The following CPA6 variants were observed in gnomAD, a reference collection of about 807,000 sequenced individuals.
CPA6 encodes carboxypeptidase B.
A neutral mutation model predicts 63.3 loss-of-function variants in CPA6; 58 were observed. That is an observed-to-expected ratio of 0.92 (90% CI 0.74 to 1.14). The LOEUF (loss-of-function observed/expected upper bound fraction) is 1.14. CPA6 is among the 50% of genes most tolerant of loss of function. The pLI is 0.00. For synonymous variants in CPA6, 185 were observed against 179.0 expected (o/e 1.03, Z -0.27); for missense variants, 565 against 526.6 (o/e 1.07, Z -0.71).
At chr8:67,720,746 A>G (rs529131842) in intron 1 of CPA6, among the ~76,000 whole-genome samples, 1 of 152,320 alleles carries the variant, frequency 6.6e-6, no homozygotes, top group East Asian at 1.9e-4. Flanking sequence ...GAACCTTGAA[A>G]CATGGCTCAC....
chr8:67,727,983 CAGA>C (rs1257699658), intron 1 of CPA6, among the ~76,000 whole-genome samples: 7 of 150,160 alleles, frequency 4.7e-5, no homozygotes, highest in African/African-American at 1.7e-4. Flanking sequence ...GAGGCTGAGG[CAGA>C]AGAATGGTGT....
Position 67,506,815 on chromosome 8 carries a change from G to A in CPA6, c.608C>T (p.Pro203Leu), listed in dbSNP as rs758766277. 7 of 1,612,832 alleles carry A rather than the reference G, an allele frequency of 4.3e-6. No individual in the cohort carries two copies. Among genetic ancestry groups the A allele is most frequent in the Non-Finnish European group, 5.9e-6 (7 of 1,179,076 alleles). ...CGIHAREWIG[P>L]AFCQWFVKEA... ...TTTTACAAACCACTGACAAAAGGCAGGACCAATCCATTCTCTTGCATGAAT... is the reference window on the plus strand; with the variant it reads ...TTTTACAAACCACTGACAAAAGGCAAGACCAATCCATTCTCTTGCATGAAT... Residue 203 changes from proline (P) to leucine (L), a missense_variant, in exon 6 of 11, where the codon CCT (proline) becomes CTT (leucine). Physicochemically the swap from Pro to Leu is moderately conservative, Grantham distance 98 (BLOSUM62 -3). Coordinates refer to ENST00000297770, the MANE Select transcript of CPA6 (RefSeq NM_020361.5).
chr8:67,677,037 C>T (rs909063774), intron 1 of CPA6, among the ~76,000 whole-genome samples: 21 of 152,182 alleles, frequency 1.4e-4, no homozygotes, highest in African/African-American at 5.1e-4. Flanking sequence ...CTGCCCCGAA[C>T]TGTGCTGCAC....
intron 2 of CPA6, among the ~76,000 whole-genome samples, chr8:67,577,079 T>G (rs966673852): frequency 1.3e-5 from 2 of 152,134 alleles, no homozygotes; most frequent in African/African-American, 4.8e-5. Context: ...GACCTCGAAC[T>G]CCTGGCCTCA....
chr8:67,448,184 G>A (rs1810472704), intron 8 of CPA6, among the ~76,000 whole-genome samples: 1 of 152,148 alleles, frequency 6.6e-6, no homozygotes, highest in South Asian at 2.1e-4. Context: ...TTTCTGTTGA[G>A]CTATTAATCT....
At chr8:67,547,743 C>T (rs547804946) in intron 2 of CPA6, among the ~76,000 whole-genome samples, 39 of 152,280 alleles carry the variant, frequency 2.6e-4, no homozygotes, top group South Asian at 1.5e-3. Flanking sequence ...AATCCTCCCC[C>T]TCAGCCTCCC....
intron 1 of CPA6, among the ~76,000 whole-genome samples, chr8:67,727,445 C>T (rs892775016): frequency 1.3e-5 from 2 of 152,138 alleles, no homozygotes; most frequent in Non-Finnish European, 2.9e-5. Context: ...CCCACTGCCC[C>T]CCTTAACCCC....
chr8:67,443,487 G>GT (rs1040368648), intron 8 of CPA6, among the ~76,000 whole-genome samples: 1 of 151,548 alleles, frequency 6.6e-6, no homozygotes, highest in Admixed American at 6.6e-5. Context: ...TAACTGTGAA[G>GT]TTTTTTTTTA....
intron 1 of CPA6, among the ~76,000 whole-genome samples, chr8:67,689,652 C>A (rs1052101841): frequency 2.0e-5 from 3 of 152,246 alleles, no homozygotes; most frequent in African/African-American, 7.2e-5. Context: ...ATATGTACCA[C>A]ATTTTCTTTA....
At chr8:67,552,663 C>T (rs1176322967) in intron 2 of CPA6, among the ~76,000 whole-genome samples, 1 of 148,306 alleles carries the variant, frequency 6.7e-6, no homozygotes. Flanking sequence ...GTCCCAGCTA[C>T]TCGGGAGGCT....
intron 8 of CPA6, among the ~76,000 whole-genome samples, chr8:67,459,314 A>G (rs6992371): frequency 0.12 from 18,665 of 152,106 alleles, 3,099 homozygotes; most frequent in African/African-American, 0.38. Context: ...GTGTGCCACC[A>G]TGCCCAGCCA....
intron 1 of CPA6, among the ~76,000 whole-genome samples, chr8:67,717,108 T>C (rs1409285096): frequency 6.6e-6 from 1 of 152,178 alleles, no homozygotes; most frequent in Non-Finnish European, 1.5e-5. Context: ...ATTCTCCTCA[T>C]CCCCTTCCTT....
rs2128961246 is a variant in CPA6, at chr8:67,483,857, T to G, written c.749A>C (p.Asp250Ala). The change falls in exon 8 of 11, where the codon GAT becomes GCT. Residue 250 changes from aspartate (D) to alanine (A), a missense_variant and splice_region_variant. Coordinates refer to ENST00000297770, the MANE Select transcript of CPA6 (RefSeq NM_020361.5). ...TGACCTTGTTTTTCTCCAAAATCGA[T>G]CCTAGACATAATTAAGAAAACAGGT... is the stretch of plus-strand genomic sequence containing the variant. ...VDGYHFSWTN[D>A]RFWRKTRSRN... 6.2e-7 allele frequency: 1 copy of G among 1,613,070 alleles called. No individual in the cohort carries two copies. The highest frequency in any genetic ancestry group is 8.5e-7 in the Non-Finnish European group (1 of 1,179,044).
At chr8:67,623,097 A>T (rs1815117692) in intron 2 of CPA6, among the ~76,000 whole-genome samples, 1 of 152,242 alleles carries the variant, frequency 6.6e-6, no homozygotes, top group Non-Finnish European at 1.5e-5. Context: ...GAAACATAGC[A>T]AAACTAATTA....
At chr8:67,600,049 C>CACATTTTAAGGACACA (rs1814453063) in intron 2 of CPA6, among the ~76,000 whole-genome samples, 1 of 150,482 alleles carries the variant, frequency 6.6e-6, no homozygotes, top group Non-Finnish European at 1.5e-5. Context: ...CAAGGCAATA[C>CACATTTTAAGGACACA]TTTTAAGGAC....
chr8:67,556,668 A>C (rs1813068240), intron 2 of CPA6, among the ~76,000 whole-genome samples: 1 of 152,368 alleles, frequency 6.6e-6, no homozygotes, highest in African/African-American at 2.4e-5. Context: ...AGCACACTCC[A>C]GGAAAAAATG....
At chr8:67,688,215 A>C (rs1816745153) in intron 1 of CPA6, among the ~76,000 whole-genome samples, 1 of 152,194 alleles carries the variant, frequency 6.6e-6, no homozygotes, top group Non-Finnish European at 1.5e-5. Flanking sequence ...CATTTAGGAT[A>C]CTGTGTGTGG....
intron 1 of CPA6, among the ~76,000 whole-genome samples, chr8:67,710,802 T>A (rs1294598222): frequency 6.6e-6 from 1 of 152,138 alleles, no homozygotes; most frequent in Non-Finnish European, 1.5e-5. Context: ...TGTGTACACC[T>A]TTAGGGGCTT....
intron 8 of CPA6, among the ~76,000 whole-genome samples, chr8:67,435,373 C>T (rs191823246): frequency 0.011 from 1,633 of 152,096 alleles, 20 homozygotes; most frequent in African/African-American, 0.038. Context: ...CGCCATCCCT[C>T]CCCCCAGCGC....
Sources: gnomAD v4.1 joint callset for allele counts (sites outside exome capture counted in the v4.1 genomes callset) on GRCh38, gnomAD v4.1.1 for gene constraint, MANE v1.5 for transcripts, NCBI Gene and HGNC (gene_info 2026-07-23, HGNC 2026-07-21) for gene names.